Variants in VTI1A observed in about 807,000 individuals in gnomAD.
The protein encoded by VTI1A is vesicle transport through interaction with t-SNAREs homolog 1A.
A neutral mutation model predicts 34.9 loss-of-function variants in VTI1A; 22 were observed. The ratio of observed to expected loss-of-function variants is 0.63; its 90% confidence interval spans 0.45 to 0.90. VTI1A has a LOEUF of 0.90. VTI1A is among the 40% of genes least tolerant of loss of function. VTI1A has a pLI of 0.00. For missense variants in VTI1A, 268 were observed against 275.6 expected (o/e 0.97, Z 0.20); for synonymous variants, 87 against 97.3 (o/e 0.89, Z 0.62).
chr10:112,486,602 A>AT lies in VTI1A; in HGVS notation c.264+21951dup, dbSNP rs373516232. ...ACACTGTTAAATCCAAGATATTAAG[A>AT]TTTTTTAGTCACTGTACACAATAAT... is the stretch of plus-strand genomic sequence containing the variant. On this transcript the variant is annotated intron_variant, in intron 3 of 7. Coordinates refer to ENST00000393077, the MANE Select transcript of VTI1A (RefSeq NM_145206.4). Among the ~76,000 whole-genome samples the AT allele has an allele frequency of 8.0e-3, 1,085 of 135,032 alleles. 12 individuals carry two copies. Among genetic ancestry groups the AT allele is most frequent in the African/African-American group, 0.032 (1,025 of 31,728 alleles). 88.6% of individuals were successfully genotyped at this position (135,032 alleles called of 152,430 possible).
At chr10:112,689,825 G>A (rs1848553084) in intron 7 of VTI1A, among the ~76,000 whole-genome samples, 1 of 151,820 alleles carries the variant, frequency 6.6e-6, no homozygotes, top group Admixed American at 6.6e-5. Flanking sequence ...TTGTTGGTAT[G>A]CATATGCAGC....
intron 7 of VTI1A, among the ~76,000 whole-genome samples, chr10:112,688,864 T>A (rs921332244): frequency 1.3e-5 from 2 of 152,154 alleles, no homozygotes; most frequent in African/African-American, 4.8e-5. Context: ...TTCATAGTTA[T>A]TATAGTTATT....
intron 7 of VTI1A, among the ~76,000 whole-genome samples, chr10:112,766,741 T>C (rs1157333931): frequency 6.6e-6 from 1 of 152,232 alleles, no homozygotes; most frequent in African/African-American, 2.4e-5. Flanking sequence ...AGGTCTTGTA[T>C]GCATCTTCAT....
At position 112,816,625 on chromosome 10, in the gene VTI1A, G is replaced by A. The variant is rs1853529001; in HGVS notation, c.*1242G>A. Reference sequence around the variant, plus strand: ...ATCAGGCTTAAAAGTTGCCCAAGCTGAGGTCGTTTCCCCCCAGTCACAAAG... The same window carrying A: ...ATCAGGCTTAAAAGTTGCCCAAGCTAAGGTCGTTTCCCCCCAGTCACAAAG... On this transcript the variant is annotated 3_prime_UTR_variant, in exon 8 of 8. Coordinates refer to ENST00000393077, the MANE Select transcript of VTI1A (RefSeq NM_145206.4). 2 of 227,140 alleles carry A rather than the reference G, an allele frequency of 8.8e-6. No homozygotes were observed. Among genetic ancestry groups the A allele is most frequent in the Admixed American group, 5.7e-5 (1 of 17,596 alleles). 14.1% of individuals were successfully genotyped at this position (227,140 alleles called of 1,614,324 possible).
intron 3 of VTI1A, among the ~76,000 whole-genome samples, chr10:112,523,653 G>C (rs1410287371): frequency 3.3e-5 from 5 of 152,016 alleles, no homozygotes; most frequent in Non-Finnish European, 5.9e-5. Context: ...ACCAGAAATT[G>C]CAGTAGATTA....
intron 7 of VTI1A, among the ~76,000 whole-genome samples, chr10:112,723,283 T>C (rs1325735246): frequency 1.3e-5 from 2 of 152,214 alleles, no homozygotes; most frequent in Admixed American, 6.5e-5. Context: ...TGCTCTTCCC[T>C]GTACAGGACT....
At chr10:112,826,807 C>T in the VTI1A span, 3 of 152,328 alleles carry the variant, frequency 2.0e-5, no homozygotes, top group African/African-American at 7.2e-5. Flanking sequence ...TCTGCTTTGT[C>T]TGATGTTTGA....
At chr10:112,808,624 CAA>C (rs760656671) in intron 7 of VTI1A, among the ~76,000 whole-genome samples, 16 of 59,562 alleles carry the variant, frequency 2.7e-4, no homozygotes, top group Admixed American at 6.0e-4. Context: ...GACTCCATCT[CAA>C]AAAAAAAAAA....
intron 5 of VTI1A, among the ~76,000 whole-genome samples, chr10:112,657,325 A>G (rs374917300): frequency 2.0e-5 from 3 of 152,302 alleles, no homozygotes; most frequent in East Asian, 3.9e-4. Flanking sequence ...CAGTATATCT[A>G]TACTTTCTTC....
At chr10:112,850,418 G>A in the VTI1A span, among the ~76,000 whole-genome samples, 13 of 151,112 alleles carry the variant, frequency 8.6e-5, no homozygotes, top group Non-Finnish European at 1.9e-4. Context: ...AGTGAAATTA[G>A]GTTAAAGTAA....
intron 5 of VTI1A, among the ~76,000 whole-genome samples, chr10:112,574,410 T>C (rs1852256860): frequency 6.6e-6 from 1 of 152,212 alleles, no homozygotes; most frequent in South Asian, 2.1e-4. Flanking sequence ...TGGACCATAG[T>C]TTGGGAGCCA....
At chr10:112,763,493 A>C (rs1317617784) in intron 7 of VTI1A, among the ~76,000 whole-genome samples, 2 of 151,434 alleles carry the variant, frequency 1.3e-5, no homozygotes, top group Admixed American at 6.6e-5. Flanking sequence ...ATGTCCAGGC[A>C]TAATTTTACA....
At chr10:112,787,194 C>G (rs932756712) in intron 7 of VTI1A, among the ~76,000 whole-genome samples, 2 of 152,178 alleles carry the variant, frequency 1.3e-5, no homozygotes, top group Admixed American at 6.5e-5. Context: ...TTGCATAACA[C>G]TGTTCAGAAT....
chr10:112,455,150 C>T, intron 1 of VTI1A, among the ~76,000 whole-genome samples: 1 of 107,210 alleles, frequency 9.3e-6, no homozygotes, highest in African/African-American at 3.6e-5. Flanking sequence ...GTTCAGTTCC[C>T]TCCCCTTCCC....
chr10:112,690,148 TTATC>T (rs150027703), intron 7 of VTI1A, among the ~76,000 whole-genome samples: 1 of 152,014 alleles, frequency 6.6e-6, no homozygotes, highest in Non-Finnish European at 1.5e-5. Flanking sequence ...ATACTACAAT[TTATC>T]TATTCACCAG....
chr10:112,711,030 C>G (rs1170262727), intron 7 of VTI1A, among the ~76,000 whole-genome samples: 2 of 152,124 alleles, frequency 1.3e-5, no homozygotes, highest in Non-Finnish European at 2.9e-5. Flanking sequence ...CATTTTAAAC[C>G]ACTGCATTCC....
the VTI1A span, among the ~76,000 whole-genome samples, chr10:112,846,975 G>T: frequency 1.3e-5 from 2 of 152,100 alleles, no homozygotes; most frequent in Non-Finnish European, 2.9e-5. Flanking sequence ...CCAATGCCTT[G>T]ATTTAGACTT....
At chr10:112,481,663 A>G (rs1019109398) in intron 3 of VTI1A, among the ~76,000 whole-genome samples, 1 of 152,224 alleles carries the variant, frequency 6.6e-6, no homozygotes, top group Non-Finnish European at 1.5e-5. Flanking sequence ...AATTGTCAAG[A>G]AATTGCTAGT....
chr10:112,478,680 G>A (rs1311519147), intron 3 of VTI1A, among the ~76,000 whole-genome samples: 1 of 152,060 alleles, frequency 6.6e-6, no homozygotes, highest in Admixed American at 6.6e-5. Context: ...TATGATAGTA[G>A]AGTCAGAATT....
Sources: gnomAD v4.1 joint callset for allele counts (sites outside exome capture counted in the v4.1 genomes callset) on GRCh38, gnomAD v4.1.1 for gene constraint, MANE v1.5 for transcripts, NCBI Gene and HGNC (gene_info 2026-07-23, HGNC 2026-07-21) for gene names.